Variants in SHROOM3 observed in about 807,000 individuals in gnomAD.
SHROOM3 encodes the protein shroom family member 3, also known as protein Shroom3.
A neutral mutation model predicts 138.6 loss-of-function variants in SHROOM3; 47 were observed. The ratio of observed to expected loss-of-function variants is 0.34; its 90% CI spans 0.27 to 0.43. The LOEUF is 0.43. SHROOM3 is among the 20% of genes least tolerant of loss of function. SHROOM3 has a pLI of 1.00. For missense variants in SHROOM3, 2,491 were observed against 2,596.5 expected (o/e 0.96, Z 0.88); for synonymous variants, 1,062 against 1,063.3 (o/e 1.00, Z 0.02).
At chr4:76,613,351 G>T (rs975309597) in intron 2 of SHROOM3, among the ~76,000 whole-genome samples, 1 of 152,158 alleles carries the variant, frequency 6.6e-6, no homozygotes, top group Non-Finnish European at 1.5e-5. Flanking sequence ...TTCAATAATT[G>T]CTGTCCATAC....
At chr4:76,666,407 T>G (rs969248410) in intron 2 of SHROOM3, among the ~76,000 whole-genome samples, 1 of 152,184 alleles carries the variant, frequency 6.6e-6, no homozygotes, top group African/African-American at 2.4e-5. Context: ...TAGGTGGGAC[T>G]GCAGGCATAC....
rs770097927 is a variant in SHROOM3, at chr4:76,756,900, C to T, written c.5161C>T (p.Gln1721Ter). 6.2e-7 allele frequency: 1 copy of T among 1,614,090 alleles called. No homozygotes were observed. Among genetic ancestry groups the T allele is most frequent in the Non-Finnish European group, 8.5e-7 (1 of 1,180,020 alleles). Residue 1721 changes from glutamine (Q) to a stop codon, truncating the protein, a stop_gained, in exon 8 of 11, where the codon CAG becomes TAG. Coordinates refer to ENST00000296043, the MANE Select transcript of SHROOM3 (RefSeq NM_020859.4). LOFTEE classifies it high-confidence loss of function. ...KENSVKRKAI[Q>*]RTVSSSGCEG... ...AAACAGTGTAAAGAGGAAGGCCATACAGAGAACTGTCAGCTCTTCAGGATG... is the reference window on the plus strand; with the variant it reads ...AAACAGTGTAAAGAGGAAGGCCATATAGAGAACTGTCAGCTCTTCAGGATG...
chr4:76,624,042 A>G (rs112826073), intron 2 of SHROOM3, among the ~76,000 whole-genome samples: 1 of 152,122 alleles, frequency 6.6e-6, no homozygotes, highest in Non-Finnish European at 1.5e-5. Context: ...GGTTATTTTA[A>G]TTTTTCTAAC....
At chr4:76,653,249 G>A (rs773560734) in intron 2 of SHROOM3, among the ~76,000 whole-genome samples, 36 of 152,052 alleles carry the variant, frequency 2.4e-4, no homozygotes, top group Non-Finnish European at 8.8e-5. Flanking sequence ...CCTTGTTCTA[G>A]ATCAGGATTT....
intron 1 of SHROOM3, among the ~76,000 whole-genome samples, chr4:76,547,045 G>A (rs1481535146): frequency 6.6e-6 from 1 of 152,210 alleles, no homozygotes; most frequent in African/African-American, 2.4e-5. Context: ...GGCAGTGCGT[G>A]CCAGCTCTTT....
intron 3 of SHROOM3, among the ~76,000 whole-genome samples, chr4:76,719,199 G>A (rs941791295): frequency 6.6e-6 from 1 of 152,204 alleles, no homozygotes. Flanking sequence ...ATCCATGACA[G>A]TCTTGGGGGT....
intron 9 of SHROOM3, among the ~76,000 whole-genome samples, chr4:76,765,917 ATCC>A (rs1430066103): frequency 6.6e-6 from 1 of 152,222 alleles, no homozygotes; most frequent in African/African-American, 2.4e-5. Context: ...TTTTCTTTTC[ATCC>A]TCATGGTTTT....
At chr4:76,437,157 G>A (rs1196886706) in intron 1 of SHROOM3, among the ~76,000 whole-genome samples, 1 of 152,156 alleles carries the variant, frequency 6.6e-6, no homozygotes, top group East Asian at 1.9e-4. Context: ...AATTCTTACT[G>A]TGGATGAGCC....
intron 2 of SHROOM3, among the ~76,000 whole-genome samples, chr4:76,582,874 C>T (rs1734078432): frequency 6.6e-6 from 1 of 152,206 alleles, no homozygotes; most frequent in Non-Finnish European, 1.5e-5. Context: ...CCCCTCCCTT[C>T]TGGTCCAGTG....
intron 5 of SHROOM3, among the ~76,000 whole-genome samples, chr4:76,747,860 G>C (rs999472277): frequency 2.6e-5 from 4 of 152,250 alleles, no homozygotes; most frequent in Non-Finnish European, 5.9e-5. Flanking sequence ...AGATTCCATG[G>C]CAAGACCTTG....
chr4:76,610,928 A>C (rs1221707222), intron 2 of SHROOM3, among the ~76,000 whole-genome samples: 1 of 152,160 alleles, frequency 6.6e-6, no homozygotes, highest in Non-Finnish European at 1.5e-5. Flanking sequence ...CTCCAAGTTC[A>C]GTAGCCCTCC....
At chr4:76,537,345 G>T (rs1732974445) in intron 1 of SHROOM3, among the ~76,000 whole-genome samples, 1 of 152,188 alleles carries the variant, frequency 6.6e-6, no homozygotes, top group African/African-American at 2.4e-5. Context: ...CAGAGTGTAT[G>T]ATTGCCTAGG....
intron 9 of SHROOM3, among the ~76,000 whole-genome samples, chr4:76,761,612 T>C (rs1721989829): frequency 6.6e-6 from 1 of 152,216 alleles, no homozygotes; most frequent in African/African-American, 2.4e-5. Flanking sequence ...TCAGCTGCCT[T>C]TAAACCTTGC....
chr4:76,734,753 A>G (rs1475125312), intron 4 of SHROOM3, among the ~76,000 whole-genome samples: 1 of 152,236 alleles, frequency 6.6e-6, no homozygotes, highest in African/African-American at 2.4e-5. Flanking sequence ...CCACAGAATT[A>G]AAAAGCATTT....
At chr4:76,555,929 G>A (rs1364496888) in intron 2 of SHROOM3, among the ~76,000 whole-genome samples, 166 bp downstream of exon 2, 1 of 152,132 alleles carries the variant, frequency 6.6e-6, no homozygotes, top group Non-Finnish European at 1.5e-5. Flanking sequence ...GTGGGATGTG[G>A]GGAGGAAGTG....
chr4:76,741,003 C>A lies in SHROOM3; in HGVS notation c.2830C>A (p.Arg944=). The A allele has an allele frequency of 6.7e-7, 1 of 1,488,396 alleles. No homozygotes were observed. 92.2% of individuals were successfully genotyped at this position (1,488,396 alleles called of 1,614,324 possible). ...CTTGGGGGCCACCTCCTTTCGACGTCGAGACCTGGAGCTGGGGGCGCCCGT... is the reference window on the plus strand; with the variant it reads ...CTTGGGGGCCACCTCCTTTCGACGTAGAGACCTGGAGCTGGGGGCGCCCGT... The part of the protein sequence containing the change: ...RVLGATSFRR[R]DLELGAPVAS... Residue 944 remains arginine (R), a synonymous_variant, in exon 5 of 11, where the codon CGA becomes AGA. Coordinates refer to ENST00000296043, the MANE Select transcript of SHROOM3 (RefSeq NM_020859.4). This position sits in a 1 kb window ranked among gnomAD's most constrained non-coding sequence, Gnocchi z 6.2.
At chr4:76,458,356 G>T (rs1314155998) in intron 1 of SHROOM3, among the ~76,000 whole-genome samples, 1 of 152,152 alleles carries the variant, frequency 6.6e-6, no homozygotes, top group Non-Finnish European at 1.5e-5. Flanking sequence ...GATTTTAAGT[G>T]ATTCATATTT....
intron 7 of SHROOM3, among the ~76,000 whole-genome samples, chr4:76,755,451 G>A (rs540886590): frequency 1.3e-4 from 20 of 152,228 alleles, no homozygotes; most frequent in African/African-American, 3.9e-4. Context: ...AGGCTTAGGC[G>A]GTCCAAGTAA....
At chr4:76,566,956 A>G (rs1403855200) in intron 2 of SHROOM3, among the ~76,000 whole-genome samples, 1 of 152,232 alleles carries the variant, frequency 6.6e-6, no homozygotes, top group Non-Finnish European at 1.5e-5. Flanking sequence ...AGTAGCTAAA[A>G]TGTCTGTTTA....
Sources: allele counts gnomAD v4.1 joint callset (sites outside exome capture counted in the v4.1 genomes callset), GRCh38; gene constraint gnomAD v4.1.1; non-coding constraint Gnocchi (gnomAD v3.1); transcripts MANE v1.5; gene names NCBI Gene and HGNC (gene_info 2026-07-23, HGNC 2026-07-21).